The following MECOM variants were observed in gnomAD, a reference collection of about 807,000 sequenced individuals.
MECOM encodes the protein MDS1 and EVI1 complex locus, also known as histone-lysine N-methyltransferase MECOM.
In MECOM, 13 loss-of-function variants were observed where a neutral mutation model predicts 116.3. The ratio of observed to expected loss-of-function variants is 0.11; its 90% confidence interval spans 0.07 to 0.18. The LOEUF (loss-of-function observed/expected upper bound fraction) is 0.18, where lower values mean the gene tolerates loss of function less well. Among genes scored for constraint, MECOM ranks in the 10% least tolerant of loss-of-function variants. MECOM has a pLI of 1.00. For synonymous variants in MECOM, 528 were observed against 535.2 expected (o/e 0.99, Z 0.19); for missense variants, 1,299 against 1,509.0 (o/e 0.86, Z 2.31).
chr3:169,373,993 A>C (rs772888895), intron 2 of MECOM, among the ~76,000 whole-genome samples: 3 of 151,962 alleles, frequency 2.0e-5, no homozygotes, highest in Non-Finnish European at 4.4e-5. Flanking sequence ...TTGAAGCCCT[A>C]ACCCCCATTA....
chr3:169,178,802 C>T (rs1745558922), intron 2 of MECOM, among the ~76,000 whole-genome samples: 1 of 152,152 alleles, frequency 6.6e-6, no homozygotes, highest in African/African-American at 2.4e-5. Flanking sequence ...TTTCTCATAA[C>T]TCTAAAGACT....
intron 13 of MECOM, among the ~76,000 whole-genome samples, chr3:169,094,379 C>A (rs774350514): frequency 1.3e-5 from 2 of 152,156 alleles, no homozygotes; most frequent in Non-Finnish European, 2.9e-5. Flanking sequence ...CATATGCCAG[C>A]TGGCAAATGT....
intron 2 of MECOM, among the ~76,000 whole-genome samples, chr3:169,171,067 A>C (rs570786488): frequency 6.6e-6 from 1 of 152,326 alleles, no homozygotes; most frequent in Non-Finnish European, 1.5e-5. Context: ...TATGCTTATA[A>C]ATTATTAGCA....
At chr3:169,404,130 A>T in intron 1 of MECOM, among the ~76,000 whole-genome samples, 1 of 152,176 alleles carries the variant, frequency 6.6e-6, no homozygotes, top group East Asian at 1.9e-4. Context: ...TTTTCTATAG[A>T]ACTAGACCCT....
intron 1 of MECOM, among the ~76,000 whole-genome samples, chr3:169,590,755 A>T (rs1190067590): frequency 6.6e-6 from 1 of 152,246 alleles, no homozygotes; most frequent in African/African-American, 2.4e-5. Context: ...ATAATTGTAC[A>T]TTAAGATTAT....
intron 2 of MECOM, among the ~76,000 whole-genome samples, chr3:169,175,745 T>C (rs1745062167): frequency 6.6e-6 from 1 of 152,214 alleles, no homozygotes; most frequent in Admixed American, 6.5e-5. Flanking sequence ...GACTAAATAC[T>C]TTAATAGGAG....
chr3:169,379,351 T>A (rs1732019057), intron 2 of MECOM, among the ~76,000 whole-genome samples: 1 of 151,966 alleles, frequency 6.6e-6, no homozygotes, highest in Non-Finnish European at 1.5e-5. Flanking sequence ...TCAACTGAAT[T>A]CTTGAAGGAG....
At chr3:169,221,451 C>T (rs998473129) in intron 2 of MECOM, among the ~76,000 whole-genome samples, 29 of 152,168 alleles carry the variant, frequency 1.9e-4, no homozygotes, top group South Asian at 1.9e-3. Context: ...TTCCTGCCTT[C>T]CCACCTTCTT....
intron 1 of MECOM, among the ~76,000 whole-genome samples, chr3:169,523,929 ATT>A (rs1176405807): frequency 6.7e-6 from 1 of 148,610 alleles, no homozygotes; most frequent in Non-Finnish European, 1.5e-5. Context: ...GTGTATATAT[ATT>A]AGTGTAATAT....
At position 169,127,736 on chromosome 3, in the gene MECOM, T is replaced by C. The variant is rs1386012772; in HGVS notation, c.830+108A>G. ...TCTGAACATGTCACGAGTGCATTTG[T>C]CCAGCTCACTGGAGTTCCAAATTTT... On this transcript the variant is annotated intron_variant, in intron 5 of 16. Transcript: ENST00000651503. The C allele has an allele frequency of 3.6e-6, 3 of 827,616 alleles. No individual in the cohort carries two copies. The East Asian group carries it at 7.3e-5, about 20-fold the overall frequency. The allele number at this position is 827,616 out of a possible 1,614,324, so 51.3% of individuals were successfully genotyped here.
chr3:169,222,602 T>A (rs1752262433), intron 2 of MECOM, among the ~76,000 whole-genome samples: 1 of 152,226 alleles, frequency 6.6e-6, no homozygotes, highest in Non-Finnish European at 1.5e-5. Flanking sequence ...CAGTGTGACA[T>A]CATCTTTCAT....
At chr3:169,504,129 C>CA (rs372235939) in intron 1 of MECOM, among the ~76,000 whole-genome samples, 27 of 112,616 alleles carry the variant, frequency 2.4e-4, no homozygotes, top group African/African-American at 4.0e-4. Flanking sequence ...CTTCTGCTCT[C>CA]AAAAAAAAAA....
chr3:169,414,972 C>G (rs1196677259), intron 1 of MECOM, among the ~76,000 whole-genome samples: 10 of 152,142 alleles, frequency 6.6e-5, no homozygotes. Flanking sequence ...GGATATTATC[C>G]AGGAGAACTT....
chr3:169,539,926 T>G (rs1480998127), intron 1 of MECOM, among the ~76,000 whole-genome samples: 1 of 152,058 alleles, frequency 6.6e-6, no homozygotes, highest in Non-Finnish European at 1.5e-5. Context: ...GCTACAAGAG[T>G]GTAAAAAGAA....
chr3:169,472,633 A>AAAAGAAAAGAAAAGGAAAGG (rs1749680508), intron 1 of MECOM, among the ~76,000 whole-genome samples: 25 of 60,316 alleles, frequency 4.1e-4, no homozygotes, highest in Non-Finnish European at 5.0e-4. Flanking sequence ...AAAAGAAAAG[A>AAAAGAAAAGAAAAGGAAAGG]AAAGGAAAGG....
At chr3:169,166,469 C>A (rs989429732) in intron 2 of MECOM, among the ~76,000 whole-genome samples, 1 of 152,072 alleles carries the variant, frequency 6.6e-6, no homozygotes, top group African/African-American at 2.4e-5. Context: ...TTTTCAAATC[C>A]TTCCCAGGTA....
chr3:169,604,490 C>T (rs16854159), intron 1 of MECOM, among the ~76,000 whole-genome samples: 13,879 of 152,252 alleles, frequency 0.091, 659 homozygotes, highest in Middle Eastern at 0.16. Context: ...GCATTTGTAC[C>T]CCTGAGCCCT....
At chr3:169,405,829 G>A (rs1183657436) in intron 1 of MECOM, among the ~76,000 whole-genome samples, 2 of 152,134 alleles carry the variant, frequency 1.3e-5, no homozygotes, top group South Asian at 2.1e-4. Flanking sequence ...CTCAGGAGTG[G>A]CCCCCAAATT....
At chr3:169,477,930 T>G (rs1028050435) in intron 1 of MECOM, among the ~76,000 whole-genome samples, 3 of 152,224 alleles carry the variant, frequency 2.0e-5, no homozygotes, top group Non-Finnish European at 4.4e-5. Flanking sequence ...AGAAGCTACA[T>G]GCCACAGCAG....
Sources: gnomAD v4.1 joint callset for allele counts (sites outside exome capture counted in the v4.1 genomes callset) on GRCh38, gnomAD v4.1.1 for gene constraint, MANE v1.5 for transcripts, NCBI Gene and HGNC (gene_info 2026-07-23, HGNC 2026-07-21) for gene names.